The following PRKCQ variants were observed in gnomAD, a reference collection of about 807,000 sequenced individuals.
PRKCQ encodes protein kinase C theta, also known as protein kinase C theta type.
PRKCQ carries 41 observed loss-of-function variants against 91.2 expected under a neutral mutation model. The ratio of observed to expected loss-of-function variants is 0.45; its 90% CI spans 0.35 to 0.58. The LOEUF is 0.58. Ranked by LOEUF, PRKCQ falls within the 20% of genes least tolerant of loss-of-function variation. PRKCQ has a pLI of 0.00. For missense variants in PRKCQ, 673 were observed against 896.5 expected (o/e 0.75, Z 3.18); for synonymous variants, 307 against 316.9 (o/e 0.97, Z 0.33).
At chr10:6,515,322 CAA>C in intron 1 of PRKCQ, 178 bp from the exon 2 acceptor site, 1 of 1,496,328 alleles carries the variant, frequency 6.7e-7, no homozygotes, top group South Asian at 1.3e-5. Flanking sequence ...TGGACTCACC[CAA>C]AACCACACAC....
At chr10:6,495,951 C>T (rs1028083936) in intron 7 of PRKCQ, among the ~76,000 whole-genome samples, 9 of 152,084 alleles carry the variant, frequency 5.9e-5, no homozygotes, top group Admixed American at 6.5e-5. Context: ...TGTGGTGGCT[C>T]ATGCCTATAA....
rs1265980338 is a variant in PRKCQ, at chr10:6,449,292, G to A, written c.1648-7211C>T. 3.3e-5 allele frequency among the ~76,000 whole-genome samples: 5 copies of A among 151,568 alleles called. No individual in the cohort carries two copies. In the East Asian group the frequency reaches 7.7e-4, roughly 23 times the overall value. On this transcript the variant is annotated intron_variant, in intron 15 of 17. Transcript: ENST00000263125. ...CGAGAACTACATGAAGAATGCAGAAGCCTCAGGAGCTGATGCGATCAACTG... is the reference window on the plus strand; with the variant it reads ...CGAGAACTACATGAAGAATGCAGAAACCTCAGGAGCTGATGCGATCAACTG...
At chr10:6,518,683 T>C (rs1439942304) in intron 1 of PRKCQ, among the ~76,000 whole-genome samples, 1 of 151,932 alleles carries the variant, frequency 6.6e-6, no homozygotes, top group Non-Finnish European at 1.5e-5. Flanking sequence ...TAGCCAGGCA[T>C]GGTGGGGGGC....
At position 6,544,767 on chromosome 10, in the gene PRKCQ, C is replaced by T. The variant is rs1450265513; in HGVS notation, c.-9-29623G>A. 5.3e-5 allele frequency among the ~76,000 whole-genome samples: 8 copies of T among 151,918 alleles called. No individual in the cohort carries two copies. The South Asian group carries it at 6.2e-4, about 12-fold the overall frequency. On this transcript the variant is annotated intron_variant, in intron 1 of 17. Transcript: ENST00000263125. ...TCCCAAGTAACTGGGACAACAGGCA[C>T]GTACCACCGCACCTGGCTAAATTTT...
At chr10:6,517,674 T>A (rs1411325686) in intron 1 of PRKCQ, among the ~76,000 whole-genome samples, 3 of 137,738 alleles carry the variant, frequency 2.2e-5, no homozygotes, top group Non-Finnish European at 4.6e-5. Flanking sequence ...CACCAGAGTA[T>A]TACAATATTA....
chr10:6,561,620 C>G (rs1230690258), intron 1 of PRKCQ, among the ~76,000 whole-genome samples: 1 of 152,140 alleles, frequency 6.6e-6, no homozygotes, highest in Non-Finnish European at 1.5e-5. Context: ...TTATGTAGAT[C>G]TCACAGTATG....
At chr10:6,402,672 A>G in the PRKCQ span, among the ~76,000 whole-genome samples, 4 of 152,218 alleles carry the variant, frequency 2.6e-5, no homozygotes, top group African/African-American at 7.2e-5. Context: ...AGGGTGGCTC[A>G]TGCCCGTAAA....
At chr10:6,406,433 C>A in the PRKCQ span, among the ~76,000 whole-genome samples, 2 of 151,918 alleles carry the variant, frequency 1.3e-5, no homozygotes, top group Admixed American at 6.6e-5. Context: ...GCTGAAGTCG[C>A]TCCCCAGTGG....
At chr10:6,503,821 G>C in intron 4 of PRKCQ, among the ~76,000 whole-genome samples, 1 of 152,126 alleles carries the variant, frequency 6.6e-6, no homozygotes, top group East Asian at 1.9e-4. Flanking sequence ...CTGTTGCCCA[G>C]GCTAGAGTGC....
At chr10:6,531,904 A>G (rs1208662500) in intron 1 of PRKCQ, among the ~76,000 whole-genome samples, 1 of 152,168 alleles carries the variant, frequency 6.6e-6, no homozygotes, top group Non-Finnish European at 1.5e-5. Context: ...AGGCTCAGAA[A>G]ATTAAGGTGA....
At chr10:6,457,982 G>T (rs918567560) in intron 14 of PRKCQ, among the ~76,000 whole-genome samples, 2 of 150,998 alleles carry the variant, frequency 1.3e-5, no homozygotes, top group Non-Finnish European at 2.9e-5. Flanking sequence ...GTCTTTCCCT[G>T]TCATCCAGGC....
chr10:6,486,433 G>A (rs1005614829), intron 8 of PRKCQ, among the ~76,000 whole-genome samples: 7 of 152,102 alleles, frequency 4.6e-5, no homozygotes, highest in South Asian at 2.1e-4. Flanking sequence ...GCCCACCTGC[G>A]TGCCATGTCA....
the PRKCQ span, among the ~76,000 whole-genome samples, chr10:6,394,097 GA>G: frequency 6.6e-6 from 1 of 152,222 alleles, no homozygotes; most frequent in African/African-American, 2.4e-5. Flanking sequence ...GAATACATGT[GA>G]AAAGGAAGCT....
In PRKCQ at chr10:6,546,575, T is replaced by A. The variant is rs368667647; in HGVS notation, c.-9-31431A>T. Among the ~76,000 whole-genome samples, 7 of 152,338 alleles carry A rather than the reference T, an allele frequency of 4.6e-5. No individual in the cohort carries two copies. In the East Asian group the frequency reaches 1.2e-3, roughly 25 times the overall value. On this transcript the variant is annotated intron_variant, in intron 1 of 17. Transcript: ENST00000263125. ...AAGAATGCTTGTGATTTTTGTACAT[T>A]GATTTCGTATCCTGAGACTTTGCTG...
chr10:6,552,400 C>A (rs937196472), intron 1 of PRKCQ, among the ~76,000 whole-genome samples: 8 of 151,768 alleles, frequency 5.3e-5, no homozygotes, highest in African/African-American at 1.9e-4. Context: ...AGGCTCAGTG[C>A]GTGCAGTCTC....
In PRKCQ at chr10:6,553,592, CT is replaced by C. The variant is rs60027851; in HGVS notation, c.-10+26618del. ...TCTTCTATTGATGTTTCATCTTTTCCTTTTTTTCCTTCTTCTTCCTTCCTCC... is the reference window on the plus strand; with the variant it reads ...TCTTCTATTGATGTTTCATCTTTTCCTTTTTTCCTTCTTCTTCCTTCCTCC... On this transcript the variant is annotated intron_variant, in intron 1 of 17. Coordinates refer to ENST00000263125, the MANE Select transcript of PRKCQ (RefSeq NM_006257.5). Among the ~76,000 whole-genome samples the C allele has an allele frequency of 8.8e-3, 1,332 of 151,914 alleles. 22 individuals carry two copies. Among genetic ancestry groups the C allele is most frequent in the African/African-American group, 0.03 (1,258 of 41,438 alleles).
chr10:6,577,637 T>A (rs867299536), intron 1 of PRKCQ, among the ~76,000 whole-genome samples: 1 of 152,254 alleles, frequency 6.6e-6, no homozygotes, highest in South Asian at 2.1e-4. Context: ...AGGCAAATTA[T>A]TGAAAAAAAT....
intron 4 of PRKCQ, among the ~76,000 whole-genome samples, chr10:6,502,925 G>C (rs1837997545): frequency 6.6e-6 from 1 of 152,232 alleles, no homozygotes; most frequent in Non-Finnish European, 1.5e-5. Context: ...GTAAGTACAG[G>C]AAATCTGGTC....
At position 6,476,021 on chromosome 10, in the gene PRKCQ, C is replaced by T. The variant is rs187151777; in HGVS notation, c.1353+2971G>A. On this transcript the variant is annotated intron_variant, in intron 12 of 17. Transcript: ENST00000263125. ...TGTGGCTCAGGTCTTGGTAAAGCAT[C>T]CCAGCTGCACGGAACTCATTTATGC... Among the ~76,000 whole-genome samples, 3 of 152,248 alleles carry T rather than the reference C, an allele frequency of 2.0e-5. No homozygotes were observed. The East Asian group carries it at 5.8e-4, about 29-fold the overall frequency.
Sources: allele counts gnomAD v4.1 joint callset (sites outside exome capture counted in the v4.1 genomes callset), GRCh38; gene constraint gnomAD v4.1.1; transcripts MANE v1.5; gene names NCBI Gene and HGNC (gene_info 2026-07-23, HGNC 2026-07-21).